The following TRAPPC12 variants were observed in gnomAD, a reference collection of about 807,000 sequenced individuals.
TRAPPC12 encodes the protein TPR repeat protein 15.
TRAPPC12 carries 61 observed loss-of-function variants against 69.2 expected under a neutral mutation model. The observed-to-expected ratio is 0.88, with a 90% confidence interval of 0.72 to 1.09. TRAPPC12 has a LOEUF of 1.09. TRAPPC12 is among the 50% of genes least tolerant of loss of function. TRAPPC12 has a pLI of 0.00. For missense variants in TRAPPC12, 1,101 were observed against 1,016.4 expected (o/e 1.08, Z -1.13); for synonymous variants, 469 against 438.9 (o/e 1.07, Z -0.86).
intron 6 of TRAPPC12, chr2:3,457,177 T>C: frequency 2.2e-6 from 1 of 459,558 alleles, no homozygotes; most frequent in Non-Finnish European, 4.4e-6. Context: ...GAGGCCATTA[T>C]CCTAAGTGAA....
intron 7 of TRAPPC12, chr2:3,458,075 G>A (rs1665273696): frequency 9.7e-7 from 1 of 1,034,772 alleles, no homozygotes. Flanking sequence ...AGGCCTCTGC[G>A]TCGGGGACAG....
At chr2:3,397,130 G>A (rs1661181164) in intron 2 of TRAPPC12, among the ~76,000 whole-genome samples, 1 of 152,174 alleles carries the variant, frequency 6.6e-6, no homozygotes, top group Admixed American at 6.5e-5. Context: ...TTATTAGAAG[G>A]TGGACATTGT....
At chr2:3,440,353 G>A (rs921562728) in intron 5 of TRAPPC12, among the ~76,000 whole-genome samples, 1 of 151,966 alleles carries the variant, frequency 6.6e-6, no homozygotes, top group African/African-American at 2.4e-5. Context: ...CTTCAGCTCT[G>A]TGAATTTTTT....
chr2:3,466,485 T>C (rs1330714375), intron 9 of TRAPPC12: 5 of 437,416 alleles, frequency 1.1e-5, no homozygotes, highest in African/African-American at 2.0e-5. Context: ...TTAAGTGATA[T>C]CCAGCTACAG....
intron 7 of TRAPPC12, among the ~76,000 whole-genome samples, chr2:3,459,366 G>C (rs1480805069): frequency 6.6e-6 from 1 of 152,244 alleles, no homozygotes; most frequent in Non-Finnish European, 1.5e-5. Flanking sequence ...ACCTCAGCCT[G>C]CCTGTCAATA....
intron 10 of TRAPPC12, chr2:3,477,999 T>G (rs1666369310): frequency 2.3e-6 from 1 of 438,550 alleles, no homozygotes; most frequent in African/African-American, 2.0e-5. Context: ...AAGCTGATTT[T>G]TAAGGAGCTA....
At position 3,424,802 on chromosome 2, in the gene TRAPPC12, T is replaced by G. The variant is rs1222620568; in HGVS notation, c.1417+139T>G. 3 of 960,610 alleles carry G rather than the reference T, an allele frequency of 3.1e-6. No individual in the cohort carries two copies. In the East Asian group the frequency reaches 8.0e-5, roughly 26 times the overall value. 59.5% of individuals were successfully genotyped at this position (960,610 alleles called of 1,614,324 possible). A position where few individuals can be genotyped will look rare whatever the true frequency, so the allele number is the denominator to read the frequency against. On this transcript the variant is annotated intron_variant, in intron 5 of 11. Coordinates refer to ENST00000324266, the MANE Select transcript of TRAPPC12 (RefSeq NM_016030.6). ...TCAGATAAGTACCCAGCAACAAGCCTTGACTTACAGAATGCTCCCACTCCG... is the reference window on the plus strand; with the variant it reads ...TCAGATAAGTACCCAGCAACAAGCCGTGACTTACAGAATGCTCCCACTCCG...
rs1002730981 is a variant in TRAPPC12, at chr2:3,388,212, C to A, written c.589C>A (p.Pro197Thr). 1 of 1,609,062 alleles carries A rather than the reference C, an allele frequency of 6.2e-7. No homozygotes were observed. ...CAGCGAGGCCTCGGCCAGGACACCGCCCCAGGTCGTGCAGCCCAGCCCCAG... is the reference window on the plus strand; with the variant it reads ...CAGCGAGGCCTCGGCCAGGACACCGACCCAGGTCGTGCAGCCCAGCCCCAG... ...GASEASARTP[P>T]QVVQPSPSLS... is the part of the protein sequence containing the mutation. The change falls in exon 2 of 12, where the codon CCC becomes ACC. Residue 197 changes from proline to threonine, a missense_variant. Transcript: ENST00000324266.
At chr2:3,427,310 C>T (rs996208330) in intron 5 of TRAPPC12, among the ~76,000 whole-genome samples, 2 of 152,202 alleles carry the variant, frequency 1.3e-5, no homozygotes, top group African/African-American at 2.4e-5. Context: ...GGGACTCTGC[C>T]TGGGCCGGGG....
At position 3,443,861 on chromosome 2, in the gene TRAPPC12, A is replaced by G; in HGVS notation, c.1500A>G (p.Arg500=). ...YLGNPQESLD[R]LHKVKTVCSK... ...GGAACCCACAGGAGTCGCTGGATAG[A>G]CTGCACAAGGTGAAGACTGTCTGCA... The change falls in exon 6 of 12, where the codon AGA becomes AGG. Residue 500 remains arginine, a synonymous_variant. Coordinates refer to ENST00000324266, the MANE Select transcript of TRAPPC12 (RefSeq NM_016030.6). 2 of 1,613,980 alleles carry G rather than the reference A, an allele frequency of 1.2e-6. No individual in the cohort carries two copies. Among genetic ancestry groups the G allele is most frequent in the Non-Finnish European group, 1.7e-6 (2 of 1,179,958 alleles).
At chr2:3,443,588 T>A in intron 5 of TRAPPC12, 191 bp from the exon 6 acceptor site, 1 of 618,204 alleles carries the variant, frequency 1.6e-6, no homozygotes, top group Non-Finnish European at 3.0e-6. Context: ...TGTCGAGACA[T>A]ACATACATAG....
chr2:3,443,217 G>A lies in TRAPPC12; in HGVS notation c.1418-562G>A, dbSNP rs116476193. On this transcript the variant is annotated intron_variant, in intron 5 of 11. Transcript: ENST00000324266. Reference sequence around the variant, plus strand: ...CCTTGCCTCCTGTCAGAGGTGGAACGCAGGCTCCAGGGCCACATGGAATCC... The same window carrying A: ...CCTTGCCTCCTGTCAGAGGTGGAACACAGGCTCCAGGGCCACATGGAATCC... Among the ~76,000 whole-genome samples, 685 of 152,344 alleles carry A rather than the reference G, an allele frequency of 4.5e-3. 4 individuals are homozygous for A. The highest frequency in any genetic ancestry group is 0.015 in the African/African-American group (607 of 41,582).
At chr2:3,427,630 G>A (rs112363167) in intron 5 of TRAPPC12, among the ~76,000 whole-genome samples, 3,987 of 152,340 alleles carry the variant, frequency 0.026, 164 homozygotes, top group African/African-American at 0.09. Context: ...GCTAATGCCT[G>A]TAATCCCAGC....
At chr2:3,401,915 T>A (rs200120699) in intron 3 of TRAPPC12, 22 bp downstream of exon 3, 1 of 1,499,204 alleles carries the variant, frequency 6.7e-7, no homozygotes, top group East Asian at 2.3e-5. Context: ...TGTGTTTGAT[T>A]TCAGTGTTGT....
At chr2:3,459,400 A>G (rs1263794399) in intron 7 of TRAPPC12, among the ~76,000 whole-genome samples, 1 of 152,244 alleles carries the variant, frequency 6.6e-6, no homozygotes, top group Non-Finnish European at 1.5e-5. Flanking sequence ...AGATTAGCTC[A>G]GTCCTCAACC....
intron 7 of TRAPPC12, 126 bp downstream of exon 7, chr2:3,457,819 G>C (rs1256639869): frequency 4.8e-6 from 7 of 1,466,894 alleles, no homozygotes; most frequent in Non-Finnish European, 6.3e-6. Context: ...GTCCACTCGT[G>C]CATTTGCAAC....
chr2:3,448,415 A>G (rs1020199749), intron 6 of TRAPPC12, among the ~76,000 whole-genome samples: 1 of 152,218 alleles, frequency 6.6e-6, no homozygotes, highest in East Asian at 1.9e-4. Context: ...AAATTTTAGC[A>G]ATCTCTACTG....
chr2:3,446,993 T>C (rs183566755), intron 6 of TRAPPC12, among the ~76,000 whole-genome samples: 32 of 152,340 alleles, frequency 2.1e-4, no homozygotes, highest in African/African-American at 7.5e-4. Context: ...CATAAAGGAA[T>C]ACCCGAGGGT....
intron 2 of TRAPPC12, among the ~76,000 whole-genome samples, chr2:3,392,329 C>T (rs981143376): frequency 9.2e-5 from 14 of 152,238 alleles, no homozygotes; most frequent in African/African-American, 2.6e-4. Flanking sequence ...AATGCCTACC[C>T]GCCAGCCCAG....
Sources: gnomAD v4.1 joint callset for allele counts (sites outside exome capture counted in the v4.1 genomes callset) on GRCh38, gnomAD v4.1.1 for gene constraint, MANE v1.5 for transcripts, NCBI Gene and HGNC (gene_info 2026-07-23, HGNC 2026-07-21) for gene names.